The following CNTN5 variants were observed in gnomAD, a reference collection of about 807,000 sequenced individuals.
The protein encoded by CNTN5 is contactin-5.
In CNTN5, 77 loss-of-function variants were observed where a neutral mutation model predicts 129.1. That is an observed-to-expected ratio of 0.60 (90% confidence interval 0.50 to 0.72). The LOEUF (loss-of-function observed/expected upper bound fraction) is 0.72, where lower values mean the gene tolerates loss of function less well. CNTN5 is among the 30% of genes least tolerant of loss of function. The probability of loss-of-function intolerance (pLI) is 0.00; values close to 1 mark genes in which losing one functional copy is unlikely to be tolerated. For missense variants in CNTN5, 1,478 were observed against 1,328.8 expected (o/e 1.11, Z -1.75); for synonymous variants, 509 against 465.6 (o/e 1.09, Z -1.20).
At chr11:99,423,352 T>C (rs1015106503) in intron 2 of CNTN5, among the ~76,000 whole-genome samples, 1 of 152,204 alleles carries the variant, frequency 6.6e-6, no homozygotes, top group African/African-American at 2.4e-5. Context: ...AACTGAGAGA[T>C]AGGAACCTTA....
chr11:99,411,544 A>AT (rs1292848114), intron 2 of CNTN5, among the ~76,000 whole-genome samples: 4 of 149,040 alleles, frequency 2.7e-5, no homozygotes, highest in Admixed American at 6.6e-5. Flanking sequence ...AAATACAAAA[A>AT]ATTTTTTTAA....
intron 1 of CNTN5, among the ~76,000 whole-genome samples, chr11:99,269,259 A>T (rs1209787200): frequency 6.6e-6 from 1 of 151,402 alleles, no homozygotes; most frequent in Non-Finnish European, 1.5e-5. Flanking sequence ...AGGATTAATT[A>T]TTATCTCCTG....
intron 2 of CNTN5, among the ~76,000 whole-genome samples, chr11:99,526,016 T>C (rs1388148472): frequency 6.6e-6 from 1 of 152,200 alleles, no homozygotes; most frequent in Non-Finnish European, 1.5e-5. Context: ...TTTTTATATA[T>C]GTAATAATTT....
At chr11:99,473,001 C>G (rs1039566327) in intron 2 of CNTN5, among the ~76,000 whole-genome samples, 1 of 152,068 alleles carries the variant, frequency 6.6e-6, no homozygotes, top group African/African-American at 2.4e-5. Context: ...TGTCTGACAC[C>G]TACTATAAAT....
intron 13 of CNTN5, among the ~76,000 whole-genome samples, chr11:100,137,844 C>A (rs1172502145): frequency 6.6e-6 from 1 of 152,056 alleles, no homozygotes; most frequent in African/African-American, 2.4e-5. Flanking sequence ...AAAGCATTAC[C>A]CATATTTCTT....
At chr11:100,023,495 A>T (rs1591071412) in intron 9 of CNTN5, among the ~76,000 whole-genome samples, 1 of 152,196 alleles carries the variant, frequency 6.6e-6, no homozygotes, top group Admixed American at 6.5e-5. Flanking sequence ...TGAGACACCT[A>T]CAGTGACATA....
chr11:100,333,551 A>G (rs1951957287), intron 21 of CNTN5, among the ~76,000 whole-genome samples: 1 of 152,060 alleles, frequency 6.6e-6, no homozygotes, highest in African/African-American at 2.4e-5. Flanking sequence ...TAAGGCCATC[A>G]TCACCAAAAC....
intron 7 of CNTN5, among the ~76,000 whole-genome samples, chr11:99,921,552 A>G (rs1169111754): frequency 6.6e-6 from 1 of 152,184 alleles, no homozygotes; most frequent in Non-Finnish European, 1.5e-5. Flanking sequence ...CGTAGTACTC[A>G]CAGCATTACA....
At chr11:99,709,268 CT>C (rs143491048) in intron 3 of CNTN5, among the ~76,000 whole-genome samples, 7 of 151,662 alleles carry the variant, frequency 4.6e-5, no homozygotes, top group East Asian at 3.9e-4. Context: ...AGATCACACA[CT>C]TTTTTTTCTA....
intron 13 of CNTN5, among the ~76,000 whole-genome samples, chr11:100,113,735 T>G (rs1945745609): frequency 6.6e-6 from 1 of 152,196 alleles, no homozygotes; most frequent in East Asian, 1.9e-4. Flanking sequence ...TCAATACAAT[T>G]TCTTGGAAAT....
intron 1 of CNTN5, among the ~76,000 whole-genome samples, chr11:99,295,506 C>T (rs894997295): frequency 2.6e-5 from 4 of 152,156 alleles, no homozygotes; most frequent in African/African-American, 7.2e-5. Context: ...GGAAAAAGAG[C>T]CTAACAAATG....
chr11:99,042,069 T>G (rs1403924449), intron 1 of CNTN5, among the ~76,000 whole-genome samples: 5 of 152,174 alleles, frequency 3.3e-5, no homozygotes, highest in Admixed American at 6.5e-5. Context: ...TCTCTCATTA[T>G]TTTCTCTTTC....
intron 6 of CNTN5, among the ~76,000 whole-genome samples, chr11:99,911,908 T>G (rs17134658): frequency 0.073 from 11,022 of 151,992 alleles, 773 homozygotes; most frequent in African/African-American, 0.18. Flanking sequence ...AGAGTCAAAT[T>G]TGTAGCCAAC....
At chr11:99,730,127 T>C (rs889540823) in intron 3 of CNTN5, among the ~76,000 whole-genome samples, 3 of 152,168 alleles carry the variant, frequency 2.0e-5, no homozygotes, top group African/African-American at 7.2e-5. Flanking sequence ...ACCTAGCACA[T>C]ACCTGCCATC....
intron 7 of CNTN5, among the ~76,000 whole-genome samples, chr11:99,947,345 GT>G (rs5794030): frequency 0.44 from 64,504 of 145,550 alleles, 14,019 homozygotes; most frequent in South Asian, 0.5. Flanking sequence ...TTATGATTAG[GT>G]TTTTTTTTTT....
At chr11:99,300,196 A>T (rs73000273) in intron 1 of CNTN5, among the ~76,000 whole-genome samples, 22,138 of 151,942 alleles carry the variant, frequency 0.15, 1,867 homozygotes, top group South Asian at 0.26. Flanking sequence ...GCCTTGTTCC[A>T]CTTCTTAGGG....
intron 1 of CNTN5, among the ~76,000 whole-genome samples, chr11:99,190,607 G>GTTTTTTTTA: frequency 6.6e-6 from 1 of 151,114 alleles, no homozygotes; most frequent in East Asian, 1.9e-4. Context: ...TTAGTGTAGA[G>GTTTTTTTTA]GTCTTAAATT....
intron 2 of CNTN5, among the ~76,000 whole-genome samples, chr11:99,463,149 G>A (rs200527895): frequency 9.9e-5 from 4 of 40,522 alleles, no homozygotes; most frequent in Non-Finnish European, 1.3e-4. Flanking sequence ...ATAAATAAAA[G>A]TAAAAAAGTC....
At chr11:99,689,735 G>C (rs1433877612) in intron 3 of CNTN5, among the ~76,000 whole-genome samples, 1 of 151,836 alleles carries the variant, frequency 6.6e-6, no homozygotes, top group Non-Finnish European at 1.5e-5. Context: ...CTTGTTTTGA[G>C]AGGTGTCTCT....
Sources: allele counts gnomAD v4.1 joint callset (sites outside exome capture counted in the v4.1 genomes callset), GRCh38; gene constraint gnomAD v4.1.1; transcripts MANE v1.5; gene names NCBI Gene and HGNC (gene_info 2026-07-23, HGNC 2026-07-21).